Variants in IQGAP2 observed in about 807,000 individuals in gnomAD.
IQGAP2 encodes the protein ras GTPase-activating-like protein IQGAP2.
In IQGAP2, 173 loss-of-function variants were observed where a neutral mutation model predicts 201.3. The observed-to-expected ratio is 0.86, with a 90% confidence interval of 0.76 to 0.98. The LOEUF is 0.98. IQGAP2 is among the 50% of genes least tolerant of loss of function. The pLI, the probability that IQGAP2 is intolerant of heterozygous loss-of-function variation, is 0.00. For synonymous variants in IQGAP2, 675 were observed against 673.9 expected (o/e 1.00, Z -0.03); for missense variants, 1,687 against 1,864.8 (o/e 0.90, Z 1.76).
chr5:76,649,502 G>C (rs770698781), intron 17 of IQGAP2, among the ~76,000 whole-genome samples: 1 of 152,174 alleles, frequency 6.6e-6, no homozygotes, highest in Non-Finnish European at 1.5e-5. Context: ...ATAGCTAGAA[G>C]AATAAAAATA....
chr5:76,430,856 A>G (rs1285212173), intron 1 of IQGAP2, among the ~76,000 whole-genome samples: 4 of 152,232 alleles, frequency 2.6e-5, no homozygotes, highest in Non-Finnish European at 5.9e-5. Context: ...AATTGCGTTC[A>G]GTAGCAAAAT....
chr5:76,639,964 A>G (rs549962197), intron 16 of IQGAP2, among the ~76,000 whole-genome samples: 1 of 152,372 alleles, frequency 6.6e-6, no homozygotes, highest in African/African-American at 2.4e-5. Context: ...AAGCAGCAGC[A>G]TCGAAGATTT....
At chr5:76,705,959 T>C (rs1260478491) in intron 35 of IQGAP2, among the ~76,000 whole-genome samples, 1 of 152,186 alleles carries the variant, frequency 6.6e-6, no homozygotes, top group Non-Finnish European at 1.5e-5. Context: ...AAAAGAGAGT[T>C]GATTTCCTTT....
chr5:76,550,194 A>G (rs937454605), intron 2 of IQGAP2, among the ~76,000 whole-genome samples: 23 of 152,154 alleles, frequency 1.5e-4, no homozygotes, highest in African/African-American at 5.6e-4. Context: ...AGACATTTCC[A>G]TTCCAAAAGG....
intron 2 of IQGAP2, among the ~76,000 whole-genome samples, chr5:76,492,585 G>A (rs1457197514): frequency 6.6e-6 from 1 of 152,236 alleles, no homozygotes; most frequent in Non-Finnish European, 1.5e-5. Flanking sequence ...GCCAGTTACG[G>A]AGAGCCTTGA....
intron 2 of IQGAP2, among the ~76,000 whole-genome samples, chr5:76,524,998 A>G (rs1758888897): frequency 6.6e-6 from 1 of 152,218 alleles, no homozygotes; most frequent in Non-Finnish European, 1.5e-5. Context: ...ATTTTCATTG[A>G]GGAAACCCAT....
intron 2 of IQGAP2, among the ~76,000 whole-genome samples, chr5:76,524,572 C>T (rs1758864005): frequency 6.6e-6 from 1 of 152,188 alleles, no homozygotes; most frequent in African/African-American, 2.4e-5. Flanking sequence ...TGATTTCTCA[C>T]TGCTTTTGAC....
intron 2 of IQGAP2, 135 bp downstream of exon 2, chr5:76,461,804 A>G (rs1311435283): frequency 3.1e-6 from 2 of 647,114 alleles, no homozygotes; most frequent in South Asian, 1.8e-5. Context: ...GGAGATGGCC[A>G]GGGAGAGATT....
At chr5:76,511,602 T>C (rs1245404171) in intron 2 of IQGAP2, among the ~76,000 whole-genome samples, 1 of 152,066 alleles carries the variant, frequency 6.6e-6, no homozygotes, top group Non-Finnish European at 1.5e-5. Flanking sequence ...GCACACTGCC[T>C]CCTGAAATAA....
Position 76,671,904 on chromosome 5 carries a change from T to C in IQGAP2, c.2989T>C (p.Ser997Pro), listed in dbSNP as rs1744360198. The change falls in exon 24 of 36, where the codon TCG becomes CCG. Residue 997 changes from serine to proline, a missense_variant. By Grantham distance (74) the Ser-to-Pro change is moderately conservative. Transcript: ENST00000274364. ...GGTAAAAGAGATCATCGACGACAAG[T>C]CGCTGATTATCAACACAAACCCTGT... The part of the protein sequence containing the change: ...PVVKEIIDDK[S>P]LIINTNPVEV... 2 of 1,614,126 alleles carry C rather than the reference T, an allele frequency of 1.2e-6. No individual in the cohort carries two copies. The highest frequency in any genetic ancestry group is 3.3e-5 in the Admixed American group (2 of 60,024).
Position 76,473,772 on chromosome 5 carries a change from T to G in IQGAP2, c.146+12103T>G, listed in dbSNP as rs537169149. On this transcript the variant is annotated intron_variant, in intron 2 of 35. Transcript: ENST00000274364. ...TTCAATTCATCAATTATCTTTTTGG[T>G]TTTGCCACTATTATGACTGGTTTCA... 2.0e-5 allele frequency among the ~76,000 whole-genome samples: 3 copies of G among 152,368 alleles called. No homozygotes were observed. The South Asian group carries it at 6.2e-4, about 32-fold the overall frequency.
Position 76,637,184 on chromosome 5 carries a change from G to C in IQGAP2, c.1923+8G>C, listed in dbSNP as rs370693931. 2 of 1,596,104 alleles carry C rather than the reference G, an allele frequency of 1.3e-6. No homozygotes were observed. Among genetic ancestry groups the C allele is most frequent in the Non-Finnish European group, 1.7e-6 (2 of 1,173,072 alleles). On this transcript the variant is annotated splice_region_variant and intron_variant, in intron 16 of 35. Coordinates refer to ENST00000274364, the MANE Select transcript of IQGAP2 (RefSeq NM_006633.5). ...ACAGGAAAAGAAATCGAGGTAGGAG[G>C]TTGGTGTTTGATGGATAACTCTACT...
At chr5:76,535,470 T>C (rs1283956290) in intron 2 of IQGAP2, among the ~76,000 whole-genome samples, 1 of 152,186 alleles carries the variant, frequency 6.6e-6, no homozygotes, top group Non-Finnish European at 1.5e-5. Flanking sequence ...TGCAGGGCCC[T>C]CACTGCCAAA....
chr5:76,592,403 A>C (rs1411969359), intron 8 of IQGAP2, among the ~76,000 whole-genome samples: 1 of 152,084 alleles, frequency 6.6e-6, no homozygotes, highest in Non-Finnish European at 1.5e-5. Context: ...CTCTTTGCAA[A>C]ATTTTCTTCC....
chr5:76,562,375 T>C (rs1744439621), intron 2 of IQGAP2, 21 bp from the exon 3 acceptor site: 10 of 1,101,900 alleles, frequency 9.1e-6, no homozygotes, highest in Non-Finnish European at 1.1e-5. Flanking sequence ...CACTTTAATA[T>C]TTTTTTTTTA....
At chr5:76,509,900 G>T (rs535938952) in intron 2 of IQGAP2, among the ~76,000 whole-genome samples, 2 of 151,198 alleles carry the variant, frequency 1.3e-5, no homozygotes, top group Admixed American at 1.3e-4. Flanking sequence ...GCTGCTAATA[G>T]TTTTCCATAT....
chr5:76,603,000 T>G (rs1747536657), intron 11 of IQGAP2, among the ~76,000 whole-genome samples: 1 of 152,238 alleles, frequency 6.6e-6, no homozygotes, highest in Admixed American at 6.5e-5. Context: ...TGTTCCCAGA[T>G]TAACTGTTCT....
intron 1 of IQGAP2, among the ~76,000 whole-genome samples, chr5:76,429,860 GACAC>G (rs56031811): frequency 0.4 from 57,312 of 144,306 alleles, 12,278 homozygotes; most frequent in East Asian, 0.51. Context: ...AGGAGACACA[GACAC>G]ACACACACAC....
intron 2 of IQGAP2, among the ~76,000 whole-genome samples, chr5:76,463,171 A>AAAAAT (rs1243022759): frequency 6.6e-6 from 1 of 151,896 alleles, no homozygotes; most frequent in East Asian, 1.9e-4. Context: ...AAAGAAAAGA[A>AAAAAT]AAAATATACT....
Sources: gnomAD v4.1 joint callset for allele counts (sites outside exome capture counted in the v4.1 genomes callset) on GRCh38, gnomAD v4.1.1 for gene constraint, MANE v1.5 for transcripts, NCBI Gene and HGNC (gene_info 2026-07-23, HGNC 2026-07-21) for gene names.